ANKRD13C: variants seen among roughly 807,000 people sequenced by gnomAD.
ANKRD13C encodes the protein ankyrin repeat domain 13C.
In ANKRD13C, 16 loss-of-function variants were observed where a neutral mutation model predicts 65.5. The observed-to-expected ratio is 0.24, with a 90% CI of 0.17 to 0.37. The LOEUF (loss-of-function observed/expected upper bound fraction) is 0.37, where lower values mean the gene tolerates loss of function less well. Among genes scored for constraint, ANKRD13C ranks in the 10% least tolerant of loss-of-function variants. The probability of loss-of-function intolerance (pLI) is 1.00; values close to 1 mark genes in which losing one functional copy is unlikely to be tolerated. For synonymous variants in ANKRD13C, 235 were observed against 238.7 expected (o/e 0.98, Z 0.14); for missense variants, 503 against 655.9 (o/e 0.77, Z 2.55).
At chr1:70,302,896 C>T (rs1421596562) in intron 6 of ANKRD13C, among the ~76,000 whole-genome samples, 1 of 152,090 alleles carries the variant, frequency 6.6e-6, no homozygotes, top group Non-Finnish European at 1.5e-5. Context: ...TTATGCTCTA[C>T]ATAAAAGAAG....
chr1:70,259,070 G>A lies in ANKRD13C; in HGVS notation c.*3647C>T, dbSNP rs751233396. On this transcript the variant is annotated 3_prime_UTR_variant, in exon 13 of 13. Coordinates refer to ENST00000370944, the MANE Select transcript of ANKRD13C (RefSeq NM_030816.5). ...TGCTATACCACCTAGGTTTGTGTAAGTACACCCAATATGGTTCTCACAATG... is the reference window on the plus strand; with the variant it reads ...TGCTATACCACCTAGGTTTGTGTAAATACACCCAATATGGTTCTCACAATG... 6.6e-6 allele frequency among the ~76,000 whole-genome samples: 1 copy of A among 152,082 alleles called. No individual in the cohort carries two copies. The highest frequency in any genetic ancestry group is 1.5e-5 in the Non-Finnish European group (1 of 68,000).
intron 8 of ANKRD13C, among the ~76,000 whole-genome samples, chr1:70,292,768 AAAGAG>A (rs1348374779): frequency 1.5e-4 from 23 of 152,328 alleles, no homozygotes; most frequent in Non-Finnish European, 3.2e-4. Flanking sequence ...TCAAATCAGT[AAAGAG>A]AAATTTAAAA....
At chr1:70,266,922 G>C (rs1287185594) in intron 12 of ANKRD13C, among the ~76,000 whole-genome samples, 1 of 152,156 alleles carries the variant, frequency 6.6e-6, no homozygotes, top group Admixed American at 6.5e-5. Context: ...TTGTTGGGTA[G>C]AGTATTCTAT....
chr1:70,310,895 T>C (rs1680819065), intron 5 of ANKRD13C, among the ~76,000 whole-genome samples: 1 of 152,174 alleles, frequency 6.6e-6, no homozygotes, highest in Non-Finnish European at 1.5e-5. Flanking sequence ...AAGGCTACTA[T>C]AAACCTGTTT....
At chr1:70,287,550 T>C (rs1001271692) in intron 9 of ANKRD13C, among the ~76,000 whole-genome samples, 1 of 152,142 alleles carries the variant, frequency 6.6e-6, no homozygotes, top group Non-Finnish European at 1.5e-5. Flanking sequence ...GTTCTCAGAT[T>C]TGGCATGTGA....
At chr1:70,268,370 C>T (rs1678724928) in intron 12 of ANKRD13C, among the ~76,000 whole-genome samples, 1 of 152,150 alleles carries the variant, frequency 6.6e-6, no homozygotes, top group Admixed American at 6.5e-5. Context: ...CCAAGTTGGC[C>T]AGGCTGGTCT....
chr1:70,330,385 C>T lies in ANKRD13C; in HGVS notation c.473-5428G>A, dbSNP rs531154462. The stretch of plus-strand genomic sequence containing the variant: ...CCTGTCTGGCCAACATGGCAAAACC[C>T]TGTCTCTACTAAAAATAAAAAACTT... On this transcript the variant is annotated intron_variant, in intron 2 of 12. Coordinates refer to ENST00000370944, the MANE Select transcript of ANKRD13C (RefSeq NM_030816.5). 7.2e-5 allele frequency among the ~76,000 whole-genome samples: 11 copies of T among 152,036 alleles called. No homozygotes were observed. In the South Asian group the frequency reaches 2.3e-3, roughly 32 times the overall value.
At chr1:70,308,326 C>T (rs1381617284) in intron 5 of ANKRD13C, among the ~76,000 whole-genome samples, 1 of 151,712 alleles carries the variant, frequency 6.6e-6, no homozygotes, top group African/African-American at 2.4e-5. Flanking sequence ...AATTATAACA[C>T]CCTACAAAAA....
intron 5 of ANKRD13C, among the ~76,000 whole-genome samples, chr1:70,313,434 C>T (rs1045085320): frequency 2.0e-5 from 3 of 150,222 alleles, no homozygotes; most frequent in South Asian, 2.1e-4. Context: ...GGAGGCTGAG[C>T]GGGGAGGACT....
At chr1:70,265,934 G>A (rs200476794) in intron 12 of ANKRD13C, among the ~76,000 whole-genome samples, 11,379 of 144,754 alleles carry the variant, frequency 0.079, 639 homozygotes, top group East Asian at 0.29. Context: ...GGGAGGAAGG[G>A]AGGGAAGAAG....
intron 7 of ANKRD13C, among the ~76,000 whole-genome samples, chr1:70,299,835 TG>T (rs1680267991): frequency 1.3e-5 from 2 of 152,210 alleles, no homozygotes; most frequent in African/African-American, 4.8e-5. Flanking sequence ...TACTCAGAAC[TG>T]TATGGACACA....
chr1:70,277,316 G>T (rs929591756), intron 9 of ANKRD13C, among the ~76,000 whole-genome samples: 4 of 152,092 alleles, frequency 2.6e-5, no homozygotes, highest in African/African-American at 9.7e-5. Context: ...GAATTATCCG[G>T]GCGTGATGGT....
chr1:70,341,889 CAGT>C (rs930994401), intron 1 of ANKRD13C, among the ~76,000 whole-genome samples: 5 of 151,826 alleles, frequency 3.3e-5, no homozygotes, highest in African/African-American at 1.2e-4. Context: ...ATAGGGAGAC[CAGT>C]TATGAGTCTG....
chr1:70,340,491 CA>C (rs971088489), intron 1 of ANKRD13C, among the ~76,000 whole-genome samples: 11 of 150,710 alleles, frequency 7.3e-5, no homozygotes, highest in African/African-American at 2.2e-4. Context: ...TATATCCTTG[CA>C]AAAAAAAACT....
At chr1:70,280,932 C>T (rs564431870) in intron 9 of ANKRD13C, among the ~76,000 whole-genome samples, 2 of 152,060 alleles carry the variant, frequency 1.3e-5, no homozygotes, top group South Asian at 4.2e-4. Context: ...TAAATAGACT[C>T]AAGAGATCCT....
At chr1:70,316,272 T>G (rs1681069153) in intron 3 of ANKRD13C, among the ~76,000 whole-genome samples, 1 of 152,206 alleles carries the variant, frequency 6.6e-6, no homozygotes, top group Non-Finnish European at 1.5e-5. Context: ...TTACTGAGAT[T>G]TAAGCACATT....
intron 8 of ANKRD13C, 146 bp downstream of exon 8, chr1:70,295,984 T>C (rs1329354322): frequency 2.3e-6 from 2 of 866,250 alleles, no homozygotes; most frequent in African/African-American, 3.4e-5. Context: ...CCATCCATTA[T>C]AATTCCTTAT....
chr1:70,308,890 A>G (rs900280469), intron 5 of ANKRD13C, among the ~76,000 whole-genome samples: 2 of 152,148 alleles, frequency 1.3e-5, no homozygotes, highest in African/African-American at 2.4e-5. Flanking sequence ...TTTCTCCTCC[A>G]CGTAAGTTAA....
intron 12 of ANKRD13C, among the ~76,000 whole-genome samples, chr1:70,263,605 G>A (rs893254716): frequency 2.0e-5 from 3 of 152,072 alleles, no homozygotes; most frequent in Non-Finnish European, 4.4e-5. Context: ...TTTTACTCAT[G>A]AGCCTCAGGG....
Sources: allele counts gnomAD v4.1 joint callset (sites outside exome capture counted in the v4.1 genomes callset), GRCh38; gene constraint gnomAD v4.1.1; transcripts MANE v1.5; gene names NCBI Gene and HGNC (gene_info 2026-07-23, HGNC 2026-07-21).